Variants in ALDH8A1 observed in about 807,000 individuals in gnomAD.
ALDH8A1 encodes aldehyde dehydrogenase 8 family member A1.
ALDH8A1 carries 39 observed loss-of-function variants against 43.3 expected under a neutral mutation model. The ratio of observed to expected loss-of-function variants is 0.90; its 90% CI spans 0.70 to 1.18. The LOEUF (loss-of-function observed/expected upper bound fraction) is 1.18. ALDH8A1 is among the 50% of genes most tolerant of loss of function. The pLI is 0.00. For synonymous variants in ALDH8A1, 233 were observed against 243.5 expected (o/e 0.96, Z 0.40); for missense variants, 605 against 622.6 (o/e 0.97, Z 0.30).
rs1019196993 is a variant in ALDH8A1 at position 134,923,084 on chromosome 6, GGCGTGATCTCA to G, written c.1012-4228_1012-4218del. On this transcript the variant is annotated intron_variant, in intron 6 of 6. Coordinates refer to ENST00000265605, the MANE Select transcript of ALDH8A1 (RefSeq NM_022568.4). ...ACTGTCGCCCAGGCTGGAATTCAGT[GGCGTGATCTCA>G]GCTCACTGCAACCTTGACCTCCTGG... 7.9e-5 allele frequency among the ~76,000 whole-genome samples: 12 copies of G among 152,202 alleles called. 1 individual carries two copies. The highest frequency in any genetic ancestry group is 2.0e-4 in the Admixed American group (3 of 15,284).
In ALDH8A1 at chr6:134,939,354, C is replaced by T. The variant is rs144585433; in HGVS notation, c.504G>A (p.Ala168=). ...CTATCACAGTGTTCCCTGCAGCCAT[C>T]GCTGGAGCTATCTTCCAGGTCAGCA... The part of the protein sequence containing the change: ...LYLLTWKIAP[A]MAAGNTVIAK... The change falls in exon 4 of 7, where the codon GCG becomes GCA. Residue 168 remains alanine (A), a synonymous_variant. Transcript: ENST00000265605. 47 of 1,614,214 alleles carry T rather than the reference C, an allele frequency of 2.9e-5. No individual in the cohort carries two copies. The African/African-American group carries it at 3.7e-4, about 13-fold the overall frequency.
At chr6:134,918,953 T>C (rs1776754577) in intron 6 of ALDH8A1, 86 bp from the exon 7 acceptor site, 3 of 1,415,126 alleles carry the variant, frequency 2.1e-6, no homozygotes, top group Non-Finnish European at 2.9e-6. Flanking sequence ...TCTAATCATC[T>C]CGGAAGGAGG....
At chr6:134,942,976 A>T (rs1216300694) in intron 2 of ALDH8A1, among the ~76,000 whole-genome samples, 2 of 152,186 alleles carry the variant, frequency 1.3e-5, no homozygotes, top group African/African-American at 4.8e-5. Flanking sequence ...TACACATGTA[A>T]TGTGTATTTC....
intron 3 of ALDH8A1, among the ~76,000 whole-genome samples, chr6:134,941,610 G>A (rs900856618): frequency 1.3e-5 from 2 of 151,934 alleles, no homozygotes; most frequent in Non-Finnish European, 2.9e-5. Context: ...GGCTGGTCTC[G>A]AACTCCTGAC....
chr6:134,929,808 A>G (rs1227543670), intron 5 of ALDH8A1, among the ~76,000 whole-genome samples: 1 of 152,192 alleles, frequency 6.6e-6, no homozygotes, highest in Non-Finnish European at 1.5e-5. Context: ...TATTCTCAGT[A>G]TCATGAAAAA....
chr6:134,918,829 G>A lies in ALDH8A1; in HGVS notation c.1050C>T (p.Ala350=). 6.2e-7 allele frequency: 1 copy of A among 1,614,014 alleles called. No individual in the cohort carries two copies. The highest frequency in any genetic ancestry group is 8.5e-7 in the Non-Finnish European group (1 of 1,180,004). ...SYVKRALAEG[A]QIWCGEGVDK... is the part of the protein sequence containing the mutation. ...CCACTCCCTCACCGCACCAAATTTG[G>A]GCACCTTCAGCAAGAGCTCTCTTGA... Residue 350 remains alanine (A), a synonymous_variant, in exon 7 of 7, where the codon GCC becomes GCT. Coordinates refer to ENST00000265605, the MANE Select transcript of ALDH8A1 (RefSeq NM_022568.4).
At chr6:134,939,210 A>G (rs1773805871) in intron 4 of ALDH8A1, 56 bp downstream of exon 4, 1 of 1,589,586 alleles carries the variant, frequency 6.3e-7, no homozygotes, top group Non-Finnish European at 8.6e-7. Flanking sequence ...AGATTTCTAT[A>G]AACTATAGGT....
chr6:134,930,149 C>T (rs928687404), intron 5 of ALDH8A1, among the ~76,000 whole-genome samples: 5 of 152,038 alleles, frequency 3.3e-5, no homozygotes, highest in Non-Finnish European at 7.4e-5. Flanking sequence ...CAGGACCTGT[C>T]GATGGAAAGA....
chr6:134,942,272 T>C (rs1311649781), intron 3 of ALDH8A1, 137 bp downstream of exon 3: 1 of 1,097,782 alleles, frequency 9.1e-7, no homozygotes, highest in African/African-American at 1.6e-5. Flanking sequence ...AATAGATCTT[T>C]GAGGCCAATG....
At chr6:134,931,829 C>T (rs1016377174) in intron 5 of ALDH8A1, among the ~76,000 whole-genome samples, 1 of 152,296 alleles carries the variant, frequency 6.6e-6, no homozygotes, top group East Asian at 1.9e-4. Context: ...TTGAAAGTAA[C>T]ATTTTTCACT....
At chr6:134,930,188 G>A (rs1284554045) in intron 5 of ALDH8A1, among the ~76,000 whole-genome samples, 1 of 152,200 alleles carries the variant, frequency 6.6e-6, no homozygotes, top group Non-Finnish European at 1.5e-5. Context: ...AGGCCGCAGA[G>A]TGGATGGTGG....
chr6:134,941,644 C>A (rs1773856710), intron 3 of ALDH8A1, among the ~76,000 whole-genome samples: 1 of 152,164 alleles, frequency 6.6e-6, no homozygotes, highest in Middle Eastern at 3.4e-3. Flanking sequence ...CCAATCTTGG[C>A]CTCCCAAAGT....
chr6:134,947,897 T>C (rs1773981811), intron 1 of ALDH8A1, among the ~76,000 whole-genome samples: 1 of 151,360 alleles, frequency 6.6e-6, no homozygotes, highest in Non-Finnish European at 1.5e-5. Flanking sequence ...ATCCCACTAC[T>C]GGAAATTTAT....
intron 1 of ALDH8A1, 34 bp from the exon 2 acceptor site, chr6:134,944,000 A>C: frequency 6.2e-7 from 1 of 1,601,836 alleles, no homozygotes; most frequent in Non-Finnish European, 8.5e-7. Context: ...GGGTCACCTT[A>C]AAGCTGTTAG....
At chr6:134,944,734 A>T (rs1176968692) in intron 1 of ALDH8A1, among the ~76,000 whole-genome samples, 2 of 151,618 alleles carry the variant, frequency 1.3e-5, no homozygotes, top group African/African-American at 4.8e-5. Flanking sequence ...AAGGTTTTTT[A>T]AAAAATTAGT....
rs373733869 is a variant in ALDH8A1, at chr6:134,932,890, G to C, written c.735C>G (p.Pro245=). The C allele has an allele frequency of 2.7e-4, 435 of 1,614,096 alleles. No homozygotes were observed. Among genetic ancestry groups the C allele is most frequent in the Non-Finnish European group, 3.4e-4 (402 of 1,180,044 alleles). ...TAERITQLSA[P]HCKKLSLELG... is the part of the protein sequence containing the mutation. ...GCTCCAGGGAGAGCTTTTTGCAGTG[G>C]GGAGCGCTCAGCTGGGTGATCCGCT... The change falls in exon 5 of 7, where the codon CCC becomes CCG. Residue 245 remains proline, a synonymous_variant. Coordinates refer to ENST00000265605, the MANE Select transcript of ALDH8A1 (RefSeq NM_022568.4).
At chr6:134,923,189 GC>G (rs753389747) in intron 6 of ALDH8A1, among the ~76,000 whole-genome samples, 48 of 151,960 alleles carry the variant, frequency 3.2e-4, no homozygotes, top group Non-Finnish European at 5.3e-4. Flanking sequence ...ACCACGCCTG[GC>G]TAAATTTTTT....
At position 134,946,542 on chromosome 6, in the gene ALDH8A1, T is replaced by G. The variant is rs74690962; in HGVS notation, c.139-2576A>C. 2.7e-3 allele frequency among the ~76,000 whole-genome samples: 416 copies of G among 152,352 alleles called. 3 individuals are homozygous for G. The highest frequency in any genetic ancestry group is 9.8e-3 in the African/African-American group (407 of 41,592). ...AAAGCATTTACTATATGCCAAGCAC[T>G]AAGGGCTTTAAGCATATTAGTCAGT... On this transcript the variant is annotated intron_variant, in intron 1 of 6. Coordinates refer to ENST00000265605, the MANE Select transcript of ALDH8A1 (RefSeq NM_022568.4).
chr6:134,949,586 G>A (rs1308785605), intron 1 of ALDH8A1, among the ~76,000 whole-genome samples: 1 of 151,790 alleles, frequency 6.6e-6, no homozygotes, highest in Non-Finnish European at 1.5e-5. Flanking sequence ...TGGAGAAAAG[G>A]GAATATTTAA....
Sources: allele counts gnomAD v4.1 joint callset (sites outside exome capture counted in the v4.1 genomes callset), GRCh38; gene constraint gnomAD v4.1.1; transcripts MANE v1.5; gene names NCBI Gene and HGNC (gene_info 2026-07-23, HGNC 2026-07-21).